Variants in VWA5B1 observed in about 807,000 individuals in gnomAD.
VWA5B1 encodes von Willebrand factor A domain containing 5B1.
VWA5B1 carries 115 observed loss-of-function variants against 118.2 expected under a neutral mutation model. The observed-to-expected ratio is 0.97, with a 90% CI of 0.84 to 1.14. The LOEUF (loss-of-function observed/expected upper bound fraction) is 1.14, where lower values mean the gene tolerates loss of function less well. Among genes scored for constraint, VWA5B1 ranks in the 50% most tolerant of loss-of-function variants. VWA5B1 has a pLI of 0.00. For missense variants in VWA5B1, 1,596 were observed against 1,603.8 expected (o/e 1.00, Z 0.08); for synonymous variants, 682 against 658.4 (o/e 1.04, Z -0.55).
chr1:20,315,537 T>G (rs1219522310), intron 4 of VWA5B1, among the ~76,000 whole-genome samples: 2 of 152,034 alleles, frequency 1.3e-5, no homozygotes. Context: ...GGGGACAGAG[T>G]GGGACAAGTG....
In VWA5B1 at chr1:20,354,197, G is replaced by A. The variant is rs1428502869; in HGVS notation, c.3582G>A (p.Val1194=). Residue 1194 remains valine (V), a synonymous_variant, in exon 22 of 22, where the codon GTG becomes GTA. Coordinates refer to ENST00000289815, the MANE Select transcript of VWA5B1 (RefSeq NM_001039500.3). ...TLKAAARQLF[V]LLRHWDENLE... is the part of the protein sequence containing the mutation. ...AGGCCGCTGCCCGCCAGCTGTTTGTGCTTCTGCGGCACTGGGATGAGAATC... is the reference window on the plus strand; with the variant it reads ...AGGCCGCTGCCCGCCAGCTGTTTGTACTTCTGCGGCACTGGGATGAGAATC... The A allele has an allele frequency of 6.4e-7, 1 of 1,551,254 alleles. No individual in the cohort carries two copies. The highest frequency in any genetic ancestry group is 2.0e-5 in the Admixed American group (1 of 51,010).
chr1:20,317,277 G>A (rs2089042517), intron 4 of VWA5B1, among the ~76,000 whole-genome samples: 1 of 152,002 alleles, frequency 6.6e-6, no homozygotes. Context: ...GCTGCGGTGA[G>A]AACGATGTGA....
At chr1:20,309,237 G>A (rs1010879579) in intron 1 of VWA5B1, among the ~76,000 whole-genome samples, 3 of 152,320 alleles carry the variant, frequency 2.0e-5, no homozygotes, top group East Asian at 1.9e-4. Flanking sequence ...CCATGCCCAC[G>A]TGTGTAGCGC....
At chr1:20,320,497 G>C (rs1323905188) in intron 7 of VWA5B1, among the ~76,000 whole-genome samples, 2 of 152,232 alleles carry the variant, frequency 1.3e-5, no homozygotes, top group Non-Finnish European at 2.9e-5. Context: ...GGGTGGCAGT[G>C]CCAGAGGTCC....
chr1:20,292,947 C>T (rs1252629998), intron 1 of VWA5B1, among the ~76,000 whole-genome samples: 1 of 152,200 alleles, frequency 6.6e-6, no homozygotes, highest in African/African-American at 2.4e-5. Context: ...GCCTCCTCAG[C>T]TTCAGGGATT....
chr1:20,318,760 G>A (rs2089111073), intron 6 of VWA5B1, 39 bp downstream of exon 6: 1 of 1,446,582 alleles, frequency 6.9e-7, no homozygotes, highest in African/African-American at 1.4e-5. Flanking sequence ...CTGCCTGTGG[G>A]AGGGAGGAGG....
chr1:20,320,075 C>G (rs1337228034), intron 7 of VWA5B1, among the ~76,000 whole-genome samples: 1 of 152,214 alleles, frequency 6.6e-6, no homozygotes, highest in Non-Finnish European at 1.5e-5. Flanking sequence ...AGCCACAAGT[C>G]ACACCCCATG....
chr1:20,316,074 C>T (rs2088997801), intron 4 of VWA5B1, among the ~76,000 whole-genome samples: 1 of 152,188 alleles, frequency 6.6e-6, no homozygotes, highest in Non-Finnish European at 1.5e-5. Flanking sequence ...CTGCCTCAAA[C>T]CCCTGTGAAT....
chr1:20,329,311 TTTTTTG>T (rs2089477875), intron 9 of VWA5B1, among the ~76,000 whole-genome samples: 2 of 116,158 alleles, frequency 1.7e-5, no homozygotes, highest in African/African-American at 3.1e-5. Context: ...TTTTTTTTTT[TTTTTTG>T]AGATGGAGTC....
chr1:20,292,272 G>T (rs187557775), intron 1 of VWA5B1, among the ~76,000 whole-genome samples: 248 of 151,270 alleles, frequency 1.6e-3, no homozygotes, highest in African/African-American at 5.8e-3. Context: ...GGGCTCACCT[G>T]TCTAAACCCA....
Position 20,356,059 on chromosome 1 carries a change from G to A in VWA5B1, c.*1796G>A, listed in dbSNP as rs1164383617. Among the ~76,000 whole-genome samples the A allele has an allele frequency of 1.3e-5, 2 of 152,202 alleles. No individual in the cohort carries two copies. Among genetic ancestry groups the A allele is most frequent in the Non-Finnish European group, 2.9e-5 (2 of 68,032 alleles). ...AGAGCTTTGGGTTGTCTTGCTCCAG[G>A]CTTCCAGGAGATGTGAGCGGAGCTT... On this transcript the variant is annotated 3_prime_UTR_variant, in exon 22 of 22. Transcript: ENST00000289815.
At position 20,350,076 on chromosome 1, in the gene VWA5B1, T is replaced by A. The variant is rs576489013; in HGVS notation, c.2879-80T>A. 1.3e-5 allele frequency: 19 copies of A among 1,416,412 alleles called. No homozygotes were observed. The East Asian group carries it at 4.8e-4, about 36-fold the overall frequency. 87.7% of individuals were successfully genotyped at this position (1,416,412 alleles called of 1,614,324 possible). On this transcript the variant is annotated intron_variant, in intron 18 of 21. Transcript: ENST00000289815. Reference sequence around the variant, plus strand: ...CCAACCCACCTGCAGACACCGTGAATTAGACCATTGCTCTCCTGAGGGGAT... The same window carrying A: ...CCAACCCACCTGCAGACACCGTGAAATAGACCATTGCTCTCCTGAGGGGAT...
At chr1:20,316,587 G>A (rs1292952512) in intron 4 of VWA5B1, among the ~76,000 whole-genome samples, 1 of 152,214 alleles carries the variant, frequency 6.6e-6, no homozygotes, top group East Asian at 1.9e-4. Flanking sequence ...ACCTTAGGGG[G>A]TGTGCCTGTG....
chr1:20,291,366 T>C lies in VWA5B1; in HGVS notation c.-27+278T>C, dbSNP rs548059676. ...CTTTCTTTCTTTCTTTCTTTCTCTCTCTCTCTCTCTCTCTCTCTCTTTCTG... is the reference window on the plus strand; with the variant it reads ...CTTTCTTTCTTTCTTTCTTTCTCTCCCTCTCTCTCTCTCTCTCTCTTTCTG... On this transcript the variant is annotated intron_variant, in intron 1 of 21. Coordinates refer to ENST00000289815, the MANE Select transcript of VWA5B1 (RefSeq NM_001039500.3). 8.7e-4 allele frequency among the ~76,000 whole-genome samples: 129 copies of C among 148,032 alleles called. 4 individuals are homozygous for C. In the South Asian group the frequency reaches 0.014, roughly 16 times the overall value.
Position 20,338,132 on chromosome 1 carries a change from T to C in VWA5B1, c.2133+296T>C, listed in dbSNP as rs144911358. 2.0e-3 allele frequency: 1,114 copies of C among 545,922 alleles called. 10 individuals carry two copies. Among genetic ancestry groups the C allele is most frequent in the African/African-American group, 0.019 (999 of 53,414 alleles). The allele number at this position is 545,922 out of a possible 1,614,324, so 33.8% of individuals were successfully genotyped here. ...ATAGCAGACCTGGGGGAGGAGAGAGTTTAGGGGCCCACCTTGGCTCAGTAC... is the reference window on the plus strand; with the variant it reads ...ATAGCAGACCTGGGGGAGGAGAGAGCTTAGGGGCCCACCTTGGCTCAGTAC... On this transcript the variant is annotated intron_variant, in intron 14 of 21. Coordinates refer to ENST00000289815, the MANE Select transcript of VWA5B1 (RefSeq NM_001039500.3).
chr1:20,352,013 G>C, intron 20 of VWA5B1, 42 bp from the exon 21 acceptor site: 1 of 1,504,194 alleles, frequency 6.6e-7, no homozygotes, highest in Non-Finnish European at 9.0e-7. Context: ...GGTGGGCACT[G>C]GAGGTTGGGA....
rs1319536164 is a variant in VWA5B1, at chr1:20,348,227, C to T, written c.2765-18C>T. 3.2e-6 allele frequency: 5 copies of T among 1,550,302 alleles called. No homozygotes were observed. The highest frequency in any genetic ancestry group is 4.4e-6 in the Non-Finnish European group (5 of 1,146,110). The stretch of plus-strand genomic sequence containing the variant: ...ACATTTGTACCCAACCACCCGCTTC[C>T]CCTTGTCTTCCGCGAAGGAGCTGCC... On this transcript the variant is annotated intron_variant, in intron 17 of 21. Transcript: ENST00000289815.
intron 1 of VWA5B1, among the ~76,000 whole-genome samples, chr1:20,291,758 C>T (rs988168046): frequency 5.9e-5 from 9 of 152,192 alleles, no homozygotes; most frequent in Admixed American, 3.9e-4. Context: ...TCCTGAGCCC[C>T]GTGTCTCCTG....
At chr1:20,332,745 C>G (rs2089606313) in intron 11 of VWA5B1, 21 bp from the exon 12 acceptor site, 2 of 1,549,722 alleles carry the variant, frequency 1.3e-6, no homozygotes, top group Non-Finnish European at 1.7e-6. Flanking sequence ...CCCCCAACTG[C>G]ATTCTGACCC....
Sources: allele counts gnomAD v4.1 joint callset (sites outside exome capture counted in the v4.1 genomes callset), GRCh38; gene constraint gnomAD v4.1.1; transcripts MANE v1.5; gene names NCBI Gene and HGNC (gene_info 2026-07-23, HGNC 2026-07-21).